The following LHX8 variants were observed in gnomAD, a reference collection of about 807,000 sequenced individuals.
LHX8 encodes LIM/homeobox protein Lhx8.
Under a neutral mutation model 40.3 loss-of-function variants are expected in LHX8, and 12 were observed. The ratio of observed to expected loss-of-function variants is 0.30; its 90% confidence interval spans 0.19 to 0.48. The LOEUF (loss-of-function observed/expected upper bound fraction) is 0.48. LHX8 is among the 20% of genes least tolerant of loss of function. The probability of loss-of-function intolerance (pLI) is 0.99; values close to 1 mark genes in which losing one functional copy is unlikely to be tolerated. For missense variants in LHX8, 344 were observed against 433.7 expected (o/e 0.79, Z 1.84); for synonymous variants, 179 against 162.0 (o/e 1.10, Z -0.80).
chr1:75,192,011 A>T, the LHX8 span, among the ~76,000 whole-genome samples: 20 of 152,224 alleles, frequency 1.3e-4, no homozygotes, highest in Non-Finnish European at 1.0e-4. Flanking sequence ...TACATATTTG[A>T]ATCCTATCTC....
the LHX8 span, among the ~76,000 whole-genome samples, chr1:75,171,257 A>C: frequency 6.6e-6 from 1 of 152,128 alleles, no homozygotes; most frequent in Admixed American, 6.5e-5. Context: ...CAGTTGCCAA[A>C]ATGTGAGTTA....
chr1:75,131,128 G>T (rs1401961135), upstream of LHX8: 2 of 327,302 alleles, frequency 6.1e-6, no homozygotes, highest in Admixed American at 3.9e-5. Context: ...TCCTGGATGC[G>T]CCTCCTTTGA....
At chr1:75,160,626 G>A in intron 8 of LHX8, 193 bp from the exon 9 acceptor site, 1 of 597,362 alleles carries the variant, frequency 1.7e-6, no homozygotes, top group South Asian at 2.0e-5. Flanking sequence ...AAGATTTGGG[G>A]GTAAAACTGT....
the LHX8 span, among the ~76,000 whole-genome samples, chr1:75,173,572 C>T: frequency 7.3e-5 from 11 of 151,602 alleles, no homozygotes; most frequent in South Asian, 1.7e-3. Context: ...TTAGTAGAGA[C>T]GGGATTTCAC....
intron 2 of LHX8, 46 bp from the exon 3 acceptor site, chr1:75,137,054 G>C: frequency 6.4e-7 from 1 of 1,552,740 alleles, no homozygotes; most frequent in Non-Finnish European, 8.7e-7. Flanking sequence ...GGGATGCGAA[G>C]GGGAGGAGGG....
chr1:75,190,930 T>C, the LHX8 span, among the ~76,000 whole-genome samples: 1 of 152,146 alleles, frequency 6.6e-6, no homozygotes, highest in African/African-American at 2.4e-5. Context: ...AAAGAAAAGA[T>C]TATGGTGATA....
the LHX8 span, among the ~76,000 whole-genome samples, chr1:75,187,636 G>C: frequency 1.3e-5 from 2 of 152,270 alleles, no homozygotes; most frequent in East Asian, 3.9e-4. Flanking sequence ...GGGAGGATGA[G>C]GAGAGAAAGA....
the LHX8 span, among the ~76,000 whole-genome samples, chr1:75,175,515 G>C: frequency 1.3e-5 from 2 of 152,004 alleles, no homozygotes; most frequent in African/African-American, 4.8e-5. Flanking sequence ...AGGAGTAAGA[G>C]GTTATTGCAT....
chr1:75,182,788 C>T, the LHX8 span, among the ~76,000 whole-genome samples: 1 of 152,140 alleles, frequency 6.6e-6, no homozygotes, highest in African/African-American at 2.4e-5. Context: ...TTAGTCTTGC[C>T]TTGGCTATGT....
Position 75,137,223 on chromosome 1 carries a change from A to C in LHX8, c.199A>C (p.Ser67Arg). 1 of 1,613,614 alleles carries C rather than the reference A, an allele frequency of 6.2e-7. No individual in the cohort carries two copies. Among genetic ancestry groups the C allele is most frequent in the Non-Finnish European group, 8.5e-7 (1 of 1,179,964 alleles). The change falls in exon 3 of 9, where the codon AGT (serine) becomes CGT (arginine). Residue 67 changes from serine (S) to arginine (R), a missense_variant. Coordinates refer to ENST00000356261, the MANE Select transcript of LHX8 (RefSeq NM_001256114.2). ...GCPPGKCVCN[S>R]CGLEIVDKYL... ...CCCTCCTGGCAAGTGTGTGTGCAAC[A>C]GTTGCGGCCTGGAGATCGTGGACAA... is the stretch of plus-strand genomic sequence containing the variant.
At chr1:75,192,496 A>G in the LHX8 span, among the ~76,000 whole-genome samples, 1 of 152,136 alleles carries the variant, frequency 6.6e-6, no homozygotes, top group Non-Finnish European at 1.5e-5. Flanking sequence ...TAATGTTGTT[A>G]TTTCTCTACT....
chr1:75,132,388 G>T (rs1210906031), upstream of LHX8: 1 of 152,216 alleles, frequency 6.6e-6, no homozygotes, highest in Non-Finnish European at 1.5e-5. Flanking sequence ...AGGGGTGCGC[G>T]CAGCTGCACC....
intron 6 of LHX8, among the ~76,000 whole-genome samples, chr1:75,145,058 G>A (rs2100343451): frequency 1.3e-5 from 2 of 152,202 alleles, no homozygotes; most frequent in Middle Eastern, 6.8e-3. Flanking sequence ...TTTCCAAATG[G>A]ATGATTGTTT....
intron 7 of LHX8, among the ~76,000 whole-genome samples, chr1:75,155,055 C>T (rs1427340287): frequency 6.6e-6 from 1 of 151,866 alleles, no homozygotes; most frequent in Non-Finnish European, 1.5e-5. Flanking sequence ...CCATCAAGGC[C>T]CTACCACCAG....
chr1:75,141,205 GC>G, intron 4 of LHX8, 99 bp downstream of exon 4: 1 of 1,317,840 alleles, frequency 7.6e-7, no homozygotes, highest in Non-Finnish European at 1.1e-6. Flanking sequence ...ATTTAATGAA[GC>G]CCAGTTTTTC....
At chr1:75,130,832 C>A (rs1298892753), upstream of LHX8, 2 of 1,184,866 alleles carry the variant, frequency 1.7e-6, no homozygotes, top group Non-Finnish European at 2.5e-6. Flanking sequence ...TCCAAAGACA[C>A]GGTCTCCTAA....
chr1:75,154,307 G>C (rs1182479119), intron 7 of LHX8, among the ~76,000 whole-genome samples: 1 of 151,770 alleles, frequency 6.6e-6, no homozygotes, highest in Non-Finnish European at 1.5e-5. Flanking sequence ...ACCTGTGGAT[G>C]ATCTTTCCAA....
chr1:75,154,516 T>C (rs900834158), intron 7 of LHX8, among the ~76,000 whole-genome samples: 2 of 151,954 alleles, frequency 1.3e-5, no homozygotes, highest in Non-Finnish European at 2.9e-5. Flanking sequence ...TAGTGCAACA[T>C]GTTTTAGGTT....
upstream of LHX8, chr1:75,132,929 T>A (rs1648012653): frequency 6.6e-6 from 1 of 151,928 alleles, no homozygotes; most frequent in South Asian, 2.1e-4. Flanking sequence ...ACGATGCTAT[T>A]TCATGGAAAA....
Sources: gnomAD v4.1 joint callset for allele counts (sites outside exome capture counted in the v4.1 genomes callset) on GRCh38, gnomAD v4.1.1 for gene constraint, MANE v1.5 for transcripts, NCBI Gene and HGNC (gene_info 2026-07-23, HGNC 2026-07-21) for gene names.